The following QTGAL variants were observed in gnomAD, a reference collection of about 807,000 sequenced individuals.
QTGAL encodes the protein BGnT-like protein 1.
chr17:83,029,300 G>A, the QTGAL span, among the ~76,000 whole-genome samples: 429 of 152,234 alleles, frequency 2.8e-3, 1 homozygote, highest in Middle Eastern at 0.02. Context: ...ACAATTATAA[G>A]GTTTAAAAGT....
chr17:82,967,424 G>C, the QTGAL span, among the ~76,000 whole-genome samples: 133,091 of 152,058 alleles, frequency 0.88, 58,627 homozygotes, highest in African/African-American at 0.97. Flanking sequence ...CTTTCTGCTT[G>C]TCGTCCATCC....
the QTGAL span, among the ~76,000 whole-genome samples, chr17:82,970,597 CGGCGTGGCCGCG>C: frequency 1.1e-4 from 13 of 118,728 alleles, 2 homozygotes; most frequent in Admixed American, 1.8e-4. Context: ...CCTCCGCACC[CGGCGTGGCCGCG>C]ACCTCCCCAC....
chr17:83,026,594 G>T, the QTGAL span, among the ~76,000 whole-genome samples: 1 of 149,138 alleles, frequency 6.7e-6, no homozygotes, highest in African/African-American at 2.5e-5. Flanking sequence ...GGAGCCTGCA[G>T]ACAAACCCAC....
chr17:82,975,430 A>G, the QTGAL span, among the ~76,000 whole-genome samples: 2 of 28,002 alleles, frequency 7.1e-5, no homozygotes, highest in Non-Finnish European at 1.3e-4. Context: ...ACAGAGCCGG[A>G]CTCCATCCTC....
chr17:83,028,229 A>C, the QTGAL span, among the ~76,000 whole-genome samples: 1 of 151,784 alleles, frequency 6.6e-6, no homozygotes, highest in South Asian at 2.1e-4. Flanking sequence ...AAACCCACGA[A>C]AAGGTGCTCA....
At chr17:82,959,968 G>A in the QTGAL span, among the ~76,000 whole-genome samples, 4 of 152,156 alleles carry the variant, frequency 2.6e-5, no homozygotes, top group Admixed American at 1.3e-4. Context: ...AGAGGAAGCC[G>A]TGGCCCCGCC....
chr17:83,020,529 C>T, the QTGAL span, among the ~76,000 whole-genome samples: 2 of 152,190 alleles, frequency 1.3e-5, no homozygotes, highest in East Asian at 3.8e-4. Context: ...GACCAAAGAC[C>T]GAGGTCTGGA....
the QTGAL span, among the ~76,000 whole-genome samples, chr17:82,970,930 G>A: frequency 2.0e-5 from 3 of 152,328 alleles, no homozygotes; most frequent in Non-Finnish European, 2.9e-5. Flanking sequence ...AGAGCGGAAG[G>A]CAGTGGTGTA....
At chr17:82,993,085 A>G in the QTGAL span, among the ~76,000 whole-genome samples, 1 of 152,168 alleles carries the variant, frequency 6.6e-6, no homozygotes. Context: ...CAACCAGAAA[A>G]CAAATAACAA....
At chr17:83,005,978 C>T in the QTGAL span, 1 of 1,120,400 alleles carries the variant, frequency 8.9e-7, no homozygotes, top group Non-Finnish European at 1.1e-6. The surrounding 1 kb of genome is among the most constrained non-coding windows in gnomAD (Gnocchi z 5.6). Context: ...GGCTCACACT[C>T]ACCTTGCAGT....
chr17:82,944,974 TC>T, the QTGAL span: 1 of 152,214 alleles, frequency 6.6e-6, no homozygotes, highest in Non-Finnish European at 1.5e-5. Flanking sequence ...ACCTGTATGA[TC>T]CCCAAAACTC....
At chr17:82,960,329 G>A in the QTGAL span, 1 of 152,240 alleles carries the variant, frequency 6.6e-6, no homozygotes, top group African/African-American at 2.4e-5. Flanking sequence ...ACCCTAGTTG[G>A]GGTCTTGAGA....
the QTGAL span, among the ~76,000 whole-genome samples, chr17:83,036,074 C>A: frequency 6.6e-6 from 1 of 152,188 alleles, no homozygotes; most frequent in African/African-American, 2.4e-5. Context: ...CTGATCCTAA[C>A]AGATACTGTG....
the QTGAL span, among the ~76,000 whole-genome samples, chr17:82,950,284 G>C: frequency 6.6e-6 from 1 of 152,284 alleles, no homozygotes; most frequent in Non-Finnish European, 1.5e-5. Context: ...CAAGTGCCTT[G>C]GGGTTCATAT....
chr17:83,039,555 G>A, the QTGAL span, among the ~76,000 whole-genome samples: 2 of 112,316 alleles, frequency 1.8e-5, no homozygotes, highest in Non-Finnish European at 3.8e-5. Flanking sequence ...CTGGGCGCCC[G>A]CCGCCCGAAC....
the QTGAL span, chr17:82,981,090 T>C: frequency 6.6e-6 from 1 of 152,210 alleles, no homozygotes; most frequent in African/African-American, 2.4e-5. Context: ...TTAAAAGATA[T>C]TCTTATTGCT....
chr17:83,050,730 C>T, the QTGAL span, among the ~76,000 whole-genome samples: 27 of 152,234 alleles, frequency 1.8e-4, no homozygotes, highest in East Asian at 2.1e-3. Context: ...GGAAGGTGTT[C>T]GGGGCTTAAG....
At chr17:83,023,973 G>A in the QTGAL span, among the ~76,000 whole-genome samples, 292 of 152,334 alleles carry the variant, frequency 1.9e-3, 2 homozygotes, top group Middle Eastern at 0.01. Context: ...TGGATTCTGC[G>A]CTGGTTCCTT....
At chr17:82,970,616 C>CCACCCGGTGTGGCCGCGACCTCCG in the QTGAL span, among the ~76,000 whole-genome samples, 3 of 31,246 alleles carry the variant, frequency 9.6e-5, no homozygotes, top group African/African-American at 4.1e-4. Context: ...CGCGACCTCC[C>CCACCCGGTGTGGCCGCGACCTCCG]CACCCGGCGT....
Sources: allele counts gnomAD v4.1 joint callset (sites outside exome capture counted in the v4.1 genomes callset), GRCh38; gene constraint gnomAD v4.1.1; non-coding constraint Gnocchi (gnomAD v3.1); transcripts MANE v1.5; gene names NCBI Gene and HGNC (gene_info 2026-07-23, HGNC 2026-07-21).